DIDO1: variants seen among roughly 807,000 people sequenced by gnomAD.
DIDO1 encodes the protein death inducer-obliterator 1.
DIDO1 carries 16 observed loss-of-function variants against 99.4 expected under a neutral mutation model. That is an observed-to-expected ratio of 0.16 (90% CI 0.11 to 0.24). The LOEUF (loss-of-function observed/expected upper bound fraction) is 0.24. DIDO1 is among the 10% of genes least tolerant of loss of function. The probability of loss-of-function intolerance (pLI) is 1.00; values close to 1 mark genes in which losing one functional copy is unlikely to be tolerated. For synonymous variants in DIDO1, 1,366 were observed against 1,239.1 expected (o/e 1.10, Z -2.15); for missense variants, 2,996 against 3,014.0 (o/e 0.99, Z 0.14).
At chr20:62,906,332 G>A (rs888264041) in intron 5 of DIDO1, among the ~76,000 whole-genome samples, 1 of 152,180 alleles carries the variant, frequency 6.6e-6, no homozygotes, top group Non-Finnish European at 1.5e-5. Context: ...CTTGTGCTCC[G>A]TGAAGGGCGG....
In DIDO1 at chr20:62,896,917, C is replaced by T. The variant is rs745500299; in HGVS notation, c.1668G>A (p.Ala556=). 1.5e-5 allele frequency: 25 copies of T among 1,613,928 alleles called. No individual in the cohort carries two copies. The highest frequency in any genetic ancestry group is 6.7e-5 in the East Asian group (3 of 44,896). ...ASKKTAPPGS[A]VGKQPAPRNL... ...TTCTAGGTGCAGGCTGCTTGCCCAC[C>T]GCGGAGCCTGGAGGGGCTGTTTTCT... The change falls in exon 7 of 16, where the codon GCG becomes GCA. Residue 556 remains alanine (A), a synonymous_variant. Coordinates refer to ENST00000395343, the MANE Select transcript of DIDO1 (RefSeq NM_001193369.2). This position sits in a 1 kb window ranked among gnomAD's most constrained non-coding sequence, Gnocchi z 4.4.
At chr20:62,885,453 G>T (rs1204306293) in intron 15 of DIDO1, among the ~76,000 whole-genome samples, 1 of 152,166 alleles carries the variant, frequency 6.6e-6, no homozygotes, top group East Asian at 1.9e-4. Context: ...ACTTTTAATG[G>T]CTAACTTGCT....
At position 62,880,400 on chromosome 20, in the gene DIDO1, C is replaced by T. The variant is rs1250072909; in HGVS notation, c.5556G>A (p.Lys1852=). The change falls in exon 16 of 16, where the codon AAG becomes AAA. Residue 1852 remains lysine (K), a synonymous_variant. Coordinates refer to ENST00000395343, the MANE Select transcript of DIDO1 (RefSeq NM_001193369.2). ...TATACGGGGCGTCCTGGAACTCCCT[C>T]TTCTCCCCATGGGGATCCTTGCGTT... ...FEERKDPHGE[K]REFQDAPYNE... 8 of 1,612,766 alleles carry T rather than the reference C, an allele frequency of 5.0e-6. No individual in the cohort carries two copies. The African/African-American group carries it at 9.3e-5, about 19-fold the overall frequency.
chr20:62,888,604 G>GT (rs143461616), intron 15 of DIDO1: 1 of 985,554 alleles, frequency 1.0e-6, no homozygotes, highest in East Asian at 1.1e-4. Flanking sequence ...GGCTATCTCC[G>GT]TGAGGACAGG....
At chr20:62,926,802 GC>G (rs1163401966), upstream of DIDO1, among the ~76,000 whole-genome samples, 1 of 152,248 alleles carries the variant, frequency 6.6e-6, no homozygotes, top group Admixed American at 6.5e-5. Context: ...GTGGATGCTA[GC>G]CCCGAGGGAC....
upstream of DIDO1, among the ~76,000 whole-genome samples, chr20:62,931,208 C>T (rs1282262237): frequency 1.3e-5 from 2 of 152,234 alleles, no homozygotes; most frequent in East Asian, 1.9e-4. Flanking sequence ...GCTGGGATTC[C>T]GAAGGCATGA....
rs761820036 is a variant in DIDO1 at position 62,881,754 on chromosome 20, A to G, written c.4202T>C (p.Leu1401Pro). 4 of 1,613,050 alleles carry G rather than the reference A, an allele frequency of 2.5e-6. No individual in the cohort carries two copies. In the Admixed American group the frequency reaches 5.0e-5, roughly 20 times the overall value. The part of the protein sequence containing the change: ...YDPERAFDTQ[L>P]VERGRRHEVE... ...CTCGTGGCGCCGCCCTCGCTCCACA[A>G]GCTGAGTGTCGAAGGCCCTCTCCGG... The change falls in exon 16 of 16, where the codon CTT becomes CCT. Residue 1401 changes from leucine to proline, a missense_variant. Physicochemically the swap from Leu to Pro is moderately conservative, Grantham distance 98. Around this residue, in one of 5 missense-constraint regions of DIDO1, gnomAD observed 1,562 missense variants for 1,412.6 expected, o/e 1.11. Coordinates refer to ENST00000395343, the MANE Select transcript of DIDO1 (RefSeq NM_001193369.2). The surrounding 1 kb of genome is among the most constrained non-coding windows in gnomAD (Gnocchi z 8.3).
intron 14 of DIDO1, 128 bp from the exon 15 acceptor site, chr20:62,891,283 G>C (rs2064392534): frequency 2.1e-6 from 3 of 1,462,748 alleles, no homozygotes; most frequent in Non-Finnish European, 1.8e-6. Context: ...ATCTCACAGA[G>C]CTGCTGTCTC....
Position 62,879,823 on chromosome 20 carries a change from C to T in DIDO1, c.6133G>A (p.Gly2045Arg), listed in dbSNP as rs750119453. The T allele has an allele frequency of 1.2e-6, 2 of 1,608,860 alleles. No individual in the cohort carries two copies. The highest frequency in any genetic ancestry group is 1.7e-6 in the Non-Finnish European group (2 of 1,178,676). ...QHRKDRWEEA[G>R]PPSALSSSAP... ...CTGGAGGAGAGCGCGGAGGGCGGCC[C>T]GGCCTCCTCCCAGCGGTCCTTCCGG... Residue 2045 changes from glycine (G) to arginine (R), a missense_variant, in exon 16 of 16, where the codon GGG becomes AGG. Physicochemically the swap from Gly to Arg is moderately radical, Grantham distance 125. Coordinates refer to ENST00000395343, the MANE Select transcript of DIDO1 (RefSeq NM_001193369.2). The surrounding 1 kb of genome is among the most constrained non-coding windows in gnomAD (Gnocchi z 6.3).
At chr20:62,936,704 A>G (rs1274526994) in intron 1 of DIDO1, among the ~76,000 whole-genome samples, 6 of 151,400 alleles carry the variant, frequency 4.0e-5, no homozygotes. Flanking sequence ...TCTCTACTAA[A>G]AATACAAAAA....
chr20:62,889,199 T>C (rs2064349714), intron 15 of DIDO1: 3 of 985,072 alleles, frequency 3.0e-6, no homozygotes, highest in Non-Finnish European at 3.6e-6. Flanking sequence ...ATCCGGGAGG[T>C]GCTGGGAGAC....
chr20:62,896,984 T>C lies in DIDO1; in HGVS notation c.1601A>G (p.Asp534Gly), dbSNP rs745575253. ...TGCCGCTTTCTCCTCGGACCTCCTG[T>C]CTTCCTTCGTGGCTACAAAGAAGAA... is the stretch of plus-strand genomic sequence containing the variant. The part of the protein sequence containing the change: ...PSLLYKSTKE[D>G]RRSEEKAAAM... Residue 534 changes from aspartate to glycine, a missense_variant, in exon 7 of 16, where the codon GAC becomes GGC. Physicochemically the swap from Asp to Gly is moderately conservative, Grantham distance 94. Coordinates refer to ENST00000395343, the MANE Select transcript of DIDO1 (RefSeq NM_001193369.2). The surrounding 1 kb of genome is among the most constrained non-coding windows in gnomAD (Gnocchi z 4.4). The C allele has an allele frequency of 6.2e-7, 1 of 1,611,846 alleles. No individual in the cohort carries two copies. The highest frequency in any genetic ancestry group is 1.3e-5 in the African/African-American group (1 of 74,846).
At position 62,881,769 on chromosome 20, in the gene DIDO1, G is replaced by A; in HGVS notation, c.4187C>T (p.Ala1396Val). The A allele has an allele frequency of 6.2e-7, 1 of 1,613,286 alleles. No individual in the cohort carries two copies. The highest frequency in any genetic ancestry group is 8.5e-7 in the Non-Finnish European group (1 of 1,180,018). Residue 1396 changes from alanine to valine, a missense_variant, in exon 16 of 16, where the codon GCC (alanine) becomes GTC (valine). Physicochemically the swap from Ala to Val is moderately conservative, Grantham distance 64 (BLOSUM62 0). Transcript: ENST00000395343. The surrounding 1 kb of genome is among the most constrained non-coding windows in gnomAD (Gnocchi z 8.3). Reference sequence around the variant, plus strand: ...TCGCTCCACAAGCTGAGTGTCGAAGGCCCTCTCCGGGTCGTACTCCTCCTC... The same window carrying A: ...TCGCTCCACAAGCTGAGTGTCGAAGACCCTCTCCGGGTCGTACTCCTCCTC... Reference protein sequence around the residue: ...DPEEEYDPERAFDTQLVERGR... With the variant: ...DPEEEYDPERVFDTQLVERGR...
chr20:62,902,175 G>A (rs548413522), intron 6 of DIDO1, among the ~76,000 whole-genome samples: 8 of 152,340 alleles, frequency 5.3e-5, no homozygotes, highest in Non-Finnish European at 7.3e-5. Flanking sequence ...GGACTTCACC[G>A]TGCAGGGTCA....
rs142883689 is a variant in DIDO1 at position 62,936,718 on chromosome 20, G to A, written c.-200+1078C>T. ...GTCTCTACTAAAAATACAAAAATTA[G>A]CTGGGCGTGGTGGTGCGCCCCTGTG... On this transcript the variant is annotated intron_variant, in intron 1 of 15. Transcript: ENST00000266070. Among the ~76,000 whole-genome samples, 527 of 151,960 alleles carry A rather than the reference G, an allele frequency of 3.5e-3. 4 individuals carry two copies. The highest frequency in any genetic ancestry group is 0.012 in the African/African-American group (517 of 41,428).
rs893130549 is a variant in DIDO1 at position 62,885,787 on chromosome 20, C to T, written c.3542-3373G>A. On this transcript the variant is annotated intron_variant, in intron 15 of 15. Transcript: ENST00000395343. The stretch of plus-strand genomic sequence containing the variant: ...GCATGAATATGTAAAATGTGGCAGG[C>T]GCCTTGGAAATAACTCTTCGTGGAA... Among the ~76,000 whole-genome samples, 4 of 152,220 alleles carry T rather than the reference C, an allele frequency of 2.6e-5. No individual in the cohort carries two copies. In the East Asian group the frequency reaches 5.8e-4, roughly 22 times the overall value.
chr20:62,886,100 C>A (rs558377097), intron 15 of DIDO1, among the ~76,000 whole-genome samples: 1 of 152,228 alleles, frequency 6.6e-6, no homozygotes. Context: ...TGGCACAGGG[C>A]ACGGTAGGCT....
In DIDO1 at chr20:62,880,610, T is replaced by C. The variant is rs1400179039; in HGVS notation, c.5346A>G (p.Pro1782=). 2 of 1,612,920 alleles carry C rather than the reference T, an allele frequency of 1.2e-6. No individual in the cohort carries two copies. Among genetic ancestry groups the C allele is most frequent in the South Asian group, 1.1e-5 (1 of 91,090 alleles). Residue 1782 remains proline (P), a synonymous_variant, in exon 16 of 16, where the codon CCA becomes CCG. Coordinates refer to ENST00000395343, the MANE Select transcript of DIDO1 (RefSeq NM_001193369.2). ...PGPRGPAPPF[P]EENIASNDGP... is the part of the protein sequence containing the mutation. ...CATCGTTAGAAGCGATATTCTCTTC[T>C]GGAAACGGAGGGGCTGGCCCCCTTG...
Position 62,893,922 on chromosome 20 carries a change from A to T in DIDO1, c.2845T>A (p.Cys949Ser). The stretch of plus-strand genomic sequence containing the variant: ...ACCCCGCTCCCACAGGAGGCTGGGC[A>T]GGGGGACAGGTCTTCCAGCGGGGAG... Reference protein sequence around the residue: ...EPSPLEDLSPCPASCGSGVVT... With the variant: ...EPSPLEDLSPSPASCGSGVVT... Residue 949 changes from cysteine to serine, a missense_variant, in exon 12 of 16, where the codon TGC (cysteine) becomes AGC (serine). Physicochemically the swap from Cys to Ser is moderately radical, Grantham distance 112 (BLOSUM62 -1). Around this residue, in one of 5 missense-constraint regions of DIDO1, gnomAD observed 898 missense variants for 972.7 expected, o/e 0.92. Transcript: ENST00000395343. 6.2e-7 allele frequency: 1 copy of T among 1,611,712 alleles called. No homozygotes were observed. Among genetic ancestry groups the T allele is most frequent in the South Asian group, 1.1e-5 (1 of 91,058 alleles).
Sources: gnomAD v4.1 joint callset for allele counts (sites outside exome capture counted in the v4.1 genomes callset) on GRCh38, gnomAD v4.1.1 for gene constraint, gnomAD v4.1.1 regional missense constraint, Gnocchi (gnomAD v3.1) non-coding constraint, MANE v1.5 for transcripts, NCBI Gene and HGNC (gene_info 2026-07-23, HGNC 2026-07-21) for gene names.